GRIA2: variants seen among roughly 807,000 people sequenced by gnomAD.
GRIA2 encodes the protein glutamate ionotropic receptor AMPA type subunit 2.
In GRIA2, 14 loss-of-function variants were observed where a neutral mutation model predicts 97.3. That is an observed-to-expected ratio of 0.14 (90% CI 0.10 to 0.23). The LOEUF is 0.23. Ranked by LOEUF, GRIA2 falls within the 10% of genes least tolerant of loss-of-function variation. The pLI is 1.00. For missense variants in GRIA2, 558 were observed against 1,069.8 expected, an observed-to-expected ratio of 0.52 and a Z score of 6.67; for synonymous variants, 412 against 387.8, an observed-to-expected ratio of 1.06 and a Z score of -0.73.
chr4:157,331,086 A>G (rs1475362013), intron 6 of GRIA2, among the ~76,000 whole-genome samples: 1 of 152,018 alleles, frequency 6.6e-6, no homozygotes, highest in East Asian at 1.9e-4. Flanking sequence ...GAAGCTGTTG[A>G]TATTCTCTCA....
chr4:157,343,214 T>A (rs1004486235), intron 12 of GRIA2, among the ~76,000 whole-genome samples: 1 of 152,086 alleles, frequency 6.6e-6, no homozygotes, highest in African/African-American at 2.4e-5. Flanking sequence ...TTAGGCAAAT[T>A]GATGACTTCT....
intron 3 of GRIA2, among the ~76,000 whole-genome samples, chr4:157,304,369 T>C (rs1733747496): frequency 6.6e-6 from 1 of 152,142 alleles, no homozygotes; most frequent in Non-Finnish European, 1.5e-5. Flanking sequence ...AATGGGATGA[T>C]TTTGAATAGC....
chr4:157,344,545 G>A lies in GRIA2; in HGVS notation c.2043+3083G>A, dbSNP rs28639692. On this transcript the variant is annotated intron_variant, in intron 12 of 15. Coordinates refer to ENST00000264426, the MANE Select transcript of GRIA2 (RefSeq NM_001083619.3). ...TGCTTACTTTTGGAGCCAAGACCTA[G>A]TAAAATAGCAGATTACACATGCAAT... Among the ~76,000 whole-genome samples the A allele has an allele frequency of 2.6e-3, 392 of 152,184 alleles. 1 individual carries two copies. The highest frequency in any genetic ancestry group is 8.9e-3 in the African/African-American group (369 of 41,554).
At chr4:157,346,649 A>T (rs1160394274) in intron 12 of GRIA2, among the ~76,000 whole-genome samples, 2 of 152,184 alleles carry the variant, frequency 1.3e-5, no homozygotes, top group Non-Finnish European at 2.9e-5. Flanking sequence ...TTTCAAAAAT[A>T]GTAGGTATTA....
chr4:157,325,391 A>ACATT (rs1425335585), intron 6 of GRIA2, among the ~76,000 whole-genome samples: 1 of 152,162 alleles, frequency 6.6e-6, no homozygotes, highest in Non-Finnish European at 1.5e-5. Context: ...ATTTGGGGCA[A>ACATT]CATTCATTCA....
At chr4:157,264,667 A>G (rs749597575) in intron 2 of GRIA2, among the ~76,000 whole-genome samples, 7 of 152,126 alleles carry the variant, frequency 4.6e-5, no homozygotes, top group Non-Finnish European at 1.0e-4. Context: ...AGATGATTGT[A>G]ACATAATAAA....
intron 2 of GRIA2, among the ~76,000 whole-genome samples, chr4:157,292,578 A>T (rs976761911): frequency 1.3e-5 from 2 of 152,064 alleles, no homozygotes; most frequent in African/African-American, 4.8e-5. Context: ...AAAAAGGAAG[A>T]AAAATAGGGG....
At chr4:157,360,817 A>G (rs1736600484) in intron 13 of GRIA2, 193 bp from the exon 14 acceptor site, 1 of 651,666 alleles carries the variant, frequency 1.5e-6, no homozygotes, top group East Asian at 3.0e-5. Flanking sequence ...TCTTTTTGTT[A>G]TGCTCTACCA....
At chr4:157,356,809 G>C (rs1169732054) in intron 12 of GRIA2, among the ~76,000 whole-genome samples, 2 of 151,796 alleles carry the variant, frequency 1.3e-5, no homozygotes, top group Non-Finnish European at 2.9e-5. Context: ...GAGTGGATCC[G>C]ATGATTGTAG....
At chr4:157,339,007 T>C (rs930302761) in intron 11 of GRIA2, among the ~76,000 whole-genome samples, 3 of 151,994 alleles carry the variant, frequency 2.0e-5, no homozygotes, top group Non-Finnish European at 2.9e-5. Context: ...TGAAACTATA[T>C]TATTAATGTT....
chr4:157,293,503 G>A (rs976793867), intron 2 of GRIA2, among the ~76,000 whole-genome samples: 3 of 152,002 alleles, frequency 2.0e-5, no homozygotes, highest in Non-Finnish European at 2.9e-5. Flanking sequence ...AAACAAATTC[G>A]ACTCTTACTA....
chr4:157,288,329 C>A (rs1301270109), intron 2 of GRIA2, among the ~76,000 whole-genome samples: 1 of 151,492 alleles, frequency 6.6e-6, no homozygotes, highest in Non-Finnish European at 1.5e-5. Context: ...AGGTACTAAC[C>A]CTGTATCAGA....
chr4:157,264,241 T>C (rs565071928), intron 2 of GRIA2, among the ~76,000 whole-genome samples: 1 of 152,136 alleles, frequency 6.6e-6, no homozygotes, highest in African/African-American at 2.4e-5. Context: ...GTTCTGGAGG[T>C]TAGAAGTGTG....
intron 4 of GRIA2, among the ~76,000 whole-genome samples, chr4:157,315,432 C>A (rs935040477): frequency 6.8e-6 from 1 of 147,982 alleles, no homozygotes; most frequent in Non-Finnish European, 1.5e-5. Context: ...TTTTTCAAGA[C>A]AACAGAGATG....
chr4:157,269,240 T>C (rs1176524014), intron 2 of GRIA2, among the ~76,000 whole-genome samples: 2 of 151,764 alleles, frequency 1.3e-5, no homozygotes, highest in African/African-American at 4.8e-5. Context: ...CCAAGAAAGG[T>C]CAAAATTAGG....
At chr4:157,248,622 T>C (rs1253855661) in intron 2 of GRIA2, among the ~76,000 whole-genome samples, 2 of 76,548 alleles carry the variant, frequency 2.6e-5, no homozygotes, top group Admixed American at 1.5e-4. Context: ...CATGTATATA[T>C]ACGTATATAT....
intron 4 of GRIA2, 147 bp downstream of exon 4, chr4:157,313,022 T>G: frequency 2.2e-6 from 1 of 461,192 alleles, no homozygotes; most frequent in South Asian, 5.3e-5. Context: ...TCAATTAAAT[T>G]ATCTCTGGCT....
chr4:157,336,359 C>T lies in GRIA2; in HGVS notation c.1474-18C>T. On this transcript the variant is annotated intron_variant, in intron 10 of 15. Coordinates refer to ENST00000264426, the MANE Select transcript of GRIA2 (RefSeq NM_001083619.3). ...CCATGACTCCAGGTACTATTACTTT[C>T]CTTTTTTTCCCTTACAGAAAGCTGA... The T allele has an allele frequency of 6.6e-7, 1 of 1,519,012 alleles. No individual in the cohort carries two copies. The allele number at this position is 1,519,012 out of a possible 1,614,324, so 94.1% of individuals were successfully genotyped here. A position where few individuals can be genotyped will look rare whatever the true frequency, so the allele number is the denominator to read the frequency against.
At chr4:157,320,656 T>G (rs962232126) in intron 5 of GRIA2, among the ~76,000 whole-genome samples, 19 of 152,130 alleles carry the variant, frequency 1.2e-4, no homozygotes, top group Non-Finnish European at 2.2e-4. Flanking sequence ...GGTGTGGTAA[T>G]TCAAAATTAA....
Sources: gnomAD v4.1 joint callset for allele counts (sites outside exome capture counted in the v4.1 genomes callset) on GRCh38, gnomAD v4.1.1 for gene constraint, MANE v1.5 for transcripts, NCBI Gene and HGNC (gene_info 2026-07-23, HGNC 2026-07-21) for gene names.